CDC42BPA: variants seen among roughly 807,000 people sequenced by gnomAD.
The protein encoded by CDC42BPA is CDC42 binding protein kinase alpha.
Under a neutral mutation model 223.5 loss-of-function variants are expected in CDC42BPA, and 80 were observed. The ratio of observed to expected loss-of-function variants is 0.36; its 90% CI spans 0.30 to 0.43. CDC42BPA has a LOEUF of 0.43. Among genes scored for constraint, CDC42BPA ranks in the 20% least tolerant of loss-of-function variants. The pLI, the probability that CDC42BPA is intolerant of heterozygous loss-of-function variation, is 1.00. For synonymous variants in CDC42BPA, 694 were observed against 718.6 expected, an observed-to-expected ratio of 0.97 and a Z score of 0.55; for missense variants, 1,743 against 2,099.9, an observed-to-expected ratio of 0.83 and a Z score of 3.32.
At chr1:227,114,213 C>G (rs73100814) in intron 12 of CDC42BPA, among the ~76,000 whole-genome samples, 23,369 of 151,644 alleles carry the variant, frequency 0.15, 2,181 homozygotes, top group African/African-American at 0.25. Flanking sequence ...GAAAGAAAGA[C>G]AAATCACCTA....
At chr1:227,122,548 G>A (rs1273018864) in intron 11 of CDC42BPA, among the ~76,000 whole-genome samples, 3 of 152,098 alleles carry the variant, frequency 2.0e-5, no homozygotes, top group Non-Finnish European at 2.9e-5. Flanking sequence ...CTTTGCAATG[G>A]AGTTGTTAGA....
intron 6 of CDC42BPA, 78 bp downstream of exon 6, chr1:227,160,465 T>C: frequency 1.1e-6 from 1 of 939,960 alleles, no homozygotes; most frequent in South Asian, 1.3e-5. Flanking sequence ...AAATAGATGG[T>C]TTCTAAAACA....
chr1:227,237,340 T>C (rs562072883), intron 2 of CDC42BPA, among the ~76,000 whole-genome samples: 1 of 152,284 alleles, frequency 6.6e-6, no homozygotes, highest in Non-Finnish European at 1.5e-5. Flanking sequence ...CTTATAAGTG[T>C]CACTCCCACT....
chr1:227,012,792 T>C (rs1256328982), intron 34 of CDC42BPA, among the ~76,000 whole-genome samples: 4 of 152,106 alleles, frequency 2.6e-5, no homozygotes, highest in African/African-American at 9.7e-5. Context: ...TACATTAAAA[T>C]ATCACAAGCT....
At chr1:227,299,738 GA>G (rs1347875635) in intron 1 of CDC42BPA, among the ~76,000 whole-genome samples, 1 of 151,942 alleles carries the variant, frequency 6.6e-6, no homozygotes, top group Non-Finnish European at 1.5e-5. Flanking sequence ...CAAAATAAAT[GA>G]CCCACAGTCT....
intron 16 of CDC42BPA, among the ~76,000 whole-genome samples, chr1:227,091,082 T>C (rs1308726796): frequency 6.6e-6 from 1 of 152,196 alleles, no homozygotes; most frequent in African/African-American, 2.4e-5. Context: ...AGTTCTTCTT[T>C]GTGAATATGA....
chr1:227,131,742 T>C (rs1031392293), intron 10 of CDC42BPA, among the ~76,000 whole-genome samples: 1 of 152,204 alleles, frequency 6.6e-6, no homozygotes, highest in Non-Finnish European at 1.5e-5. Flanking sequence ...AAGAAATTAA[T>C]AGGGAAGCTA....
rs1445241859 is a variant in CDC42BPA, at chr1:226,993,064, C to T, written c.*1204G>A. 1.3e-5 allele frequency: 2 copies of T among 152,190 alleles called. No individual in the cohort carries two copies. Among genetic ancestry groups the T allele is most frequent in the African/African-American group, 4.8e-5 (2 of 41,440 alleles). The allele number at this position is 152,190 out of a possible 1,614,324, so 9.4% of individuals were successfully genotyped here. ...TAATGAAAGCCGTTTTTTCTTCCTT[C>T]CCCAGGCTTATGTGAAGAAGCCCAC... On this transcript the variant is annotated 3_prime_UTR_variant, in exon 37 of 37. Transcript: ENST00000366766.
chr1:227,238,189 A>G (rs902380555), intron 2 of CDC42BPA, among the ~76,000 whole-genome samples: 1 of 147,646 alleles, frequency 6.8e-6, no homozygotes, highest in Non-Finnish European at 1.5e-5. Flanking sequence ...CCCCATCTCT[A>G]TTTTTTTTTT....
chr1:226,995,118 G>A (rs1311649129), intron 35 of CDC42BPA, 138 bp from the exon 36 acceptor site: 3 of 712,634 alleles, frequency 4.2e-6, no homozygotes, highest in Admixed American at 5.1e-5. Flanking sequence ...AAGTCCAACT[G>A]TAGTACCTTT....
intron 23 of CDC42BPA, among the ~76,000 whole-genome samples, chr1:227,040,563 C>CAGCAAATAGTTA (rs1671168044): frequency 6.6e-6 from 1 of 151,970 alleles, no homozygotes; most frequent in Non-Finnish European, 1.5e-5. Context: ...AATTATTGTT[C>CAGCAAATAGTTA]AGCAAATAGT....
At chr1:227,216,736 A>G (rs1394036069) in intron 2 of CDC42BPA, among the ~76,000 whole-genome samples, 2 of 152,208 alleles carry the variant, frequency 1.3e-5, no homozygotes, top group Non-Finnish European at 2.9e-5. Context: ...AGTCTGTTAA[A>G]ATGTCCTTTC....
At chr1:227,189,516 G>A (rs1374684157) in intron 5 of CDC42BPA, among the ~76,000 whole-genome samples, 1 of 152,016 alleles carries the variant, frequency 6.6e-6, no homozygotes, top group African/African-American at 2.4e-5. Context: ...CTTCCCAATA[G>A]TCTGGCAAAA....
chr1:227,313,791 T>C (rs1375335682), intron 1 of CDC42BPA, among the ~76,000 whole-genome samples: 2 of 152,038 alleles, frequency 1.3e-5, no homozygotes, highest in Non-Finnish European at 2.9e-5. Context: ...ACTATACTAA[T>C]AAAAAGAAAA....
chr1:227,035,759 A>G lies in CDC42BPA; in HGVS notation c.3200-152T>C, dbSNP rs551447483. The G allele has an allele frequency of 9.8e-5, 55 of 563,248 alleles. No individual in the cohort carries two copies. The South Asian group carries it at 1.6e-3, about 16-fold the overall frequency. The allele number at this position is 563,248 out of a possible 1,614,324, so 34.9% of individuals were successfully genotyped here. On this transcript the variant is annotated intron_variant, in intron 24 of 36. Coordinates refer to ENST00000366766, the MANE Select transcript of CDC42BPA (RefSeq NM_001394014.1). ...GTTTTATCATTTGGGTAGCTGATTC[A>G]TTTGCTTACCAATGACAATTTTAAT...
intron 1 of CDC42BPA, chr1:227,264,851 G>A: frequency 6.5e-7 from 1 of 1,527,708 alleles, no homozygotes; most frequent in South Asian, 1.1e-5. Flanking sequence ...AATTCCTTCA[G>A]GTAAGTCTGG....
intron 35 of CDC42BPA, among the ~76,000 whole-genome samples, chr1:226,997,353 T>A (rs1299000901): frequency 2.0e-5 from 3 of 152,182 alleles, no homozygotes; most frequent in Non-Finnish European, 4.4e-5. Context: ...TCTCTTTTCT[T>A]ATTAGTCTGG....
At chr1:227,133,808 C>G (rs1425090825) in intron 10 of CDC42BPA, among the ~76,000 whole-genome samples, 1 of 151,838 alleles carries the variant, frequency 6.6e-6, no homozygotes, top group Non-Finnish European at 1.5e-5. Context: ...TCTTAAGTAC[C>G]CAGGGACACA....
chr1:227,041,708 A>C (rs1671410657), intron 23 of CDC42BPA, among the ~76,000 whole-genome samples: 1 of 152,204 alleles, frequency 6.6e-6, no homozygotes, highest in East Asian at 1.9e-4. Flanking sequence ...TAGAGTGGTC[A>C]TGAGCTCTGG....
Sources: gnomAD v4.1 joint callset for allele counts (sites outside exome capture counted in the v4.1 genomes callset) on GRCh38, gnomAD v4.1.1 for gene constraint, MANE v1.5 for transcripts, NCBI Gene and HGNC (gene_info 2026-07-23, HGNC 2026-07-21) for gene names.